The following BCKDHB variants were observed in gnomAD, a reference collection of about 807,000 sequenced individuals.
BCKDHB encodes 2-oxoisovalerate dehydrogenase subunit beta, mitochondrial.
A neutral mutation model predicts 48.5 loss-of-function variants in BCKDHB; 41 were observed. The ratio of observed to expected loss-of-function variants is 0.85; its 90% CI spans 0.66 to 1.10. The LOEUF is 1.10. BCKDHB is among the 50% of genes least tolerant of loss of function. The pLI is 0.00. For synonymous variants in BCKDHB, 201 were observed against 174.8 expected, an observed-to-expected ratio of 1.15 and a Z score of -1.18; for missense variants, 496 against 494.2, an observed-to-expected ratio of 1.00 and a Z score of -0.03.
At chr6:80,155,916 C>T (rs1409111265) in intron 3 of BCKDHB, among the ~76,000 whole-genome samples, 3 of 143,116 alleles carry the variant, frequency 2.1e-5, no homozygotes, top group African/African-American at 7.8e-5. Context: ...TGGTGGGATG[C>T]GTGAGAGATT....
intron 8 of BCKDHB, among the ~76,000 whole-genome samples, chr6:80,220,342 G>A (rs1229206460): frequency 3.8e-5 from 1 of 26,658 alleles, no homozygotes; most frequent in African/African-American, 1.2e-4. Flanking sequence ...TCCTTCAGTT[G>A]TTACGGGTAT....
At position 80,184,907 on chromosome 6, in the gene BCKDHB, C is replaced by T. The variant is rs560792166; in HGVS notation, c.742+13517C>T. On this transcript the variant is annotated intron_variant, in intron 6 of 9. Transcript: ENST00000320393. ...TTGACTTTAGATAACTTGATGACCA[C>T]GTGCCTAGGAGATGATCTTTTTGCA... Among the ~76,000 whole-genome samples, 27 of 152,224 alleles carry T rather than the reference C, an allele frequency of 1.8e-4. No individual in the cohort carries two copies. The South Asian group carries it at 4.6e-3, about 26-fold the overall frequency.
chr6:80,292,662 C>T (rs1046333943), intron 9 of BCKDHB, among the ~76,000 whole-genome samples: 10 of 152,092 alleles, frequency 6.6e-5, no homozygotes, highest in African/African-American at 1.7e-4. Flanking sequence ...TTCCCAGCAG[C>T]CCCCCAAAGT....
At chr6:80,374,893 T>G in the BCKDHB span, among the ~76,000 whole-genome samples, 1 of 152,236 alleles carries the variant, frequency 6.6e-6, no homozygotes, top group Non-Finnish European at 1.5e-5. Context: ...AGACTGTATC[T>G]TTCCTTCATT....
chr6:80,260,388 T>G (rs1022726522), intron 8 of BCKDHB, among the ~76,000 whole-genome samples: 3 of 152,116 alleles, frequency 2.0e-5, no homozygotes, highest in Non-Finnish European at 4.4e-5. Context: ...GACTACAAAT[T>G]ATTGGGTCTC....
chr6:80,206,939 A>C lies in BCKDHB; in HGVS notation c.951+3727A>C, dbSNP rs75194011. ...ACCACACCTGTATGCACAATGGCAT[A>C]ACATCTTAAATTGCTGACTGTGCTA... On this transcript the variant is annotated intron_variant, in intron 8 of 9. Transcript: ENST00000320393. 6.0e-3 allele frequency among the ~76,000 whole-genome samples: 910 copies of C among 152,200 alleles called. 11 individuals are homozygous for C. The highest frequency in any genetic ancestry group is 0.021 in the African/African-American group (872 of 41,566).
intron 3 of BCKDHB, among the ~76,000 whole-genome samples, chr6:80,149,239 T>G (rs1199411515): frequency 1.3e-5 from 2 of 152,104 alleles, no homozygotes; most frequent in Admixed American, 6.5e-5. Context: ...TCACTGGCCA[T>G]CAGAGGAATG....
At chr6:80,151,188 T>TA (rs1771757290) in intron 3 of BCKDHB, among the ~76,000 whole-genome samples, 1 of 152,188 alleles carries the variant, frequency 6.6e-6, no homozygotes. Context: ...TGATACATCT[T>TA]ATTGATGTGT....
chr6:80,318,028 G>C (rs1353738753), intron 9 of BCKDHB, among the ~76,000 whole-genome samples: 1 of 152,146 alleles, frequency 6.6e-6, no homozygotes, highest in African/African-American at 2.4e-5. Flanking sequence ...CTGTGTGTCA[G>C]GATATACACT....
intron 2 of BCKDHB, among the ~76,000 whole-genome samples, chr6:80,127,843 G>A (rs1250295937): frequency 1.3e-5 from 2 of 152,132 alleles, no homozygotes; most frequent in Non-Finnish European, 2.9e-5. Context: ...CTTACAGTGT[G>A]TGTGGTCCTG....
Position 80,345,551 on chromosome 6 carries a change from A to G in BCKDHB, c.*1747A>G, listed in dbSNP as rs961866573. 1.3e-5 allele frequency: 2 copies of G among 152,210 alleles called. 1 individual carries two copies. Among genetic ancestry groups the G allele is most frequent in the Admixed American group, 1.3e-4 (2 of 15,274 alleles). 9.4% of individuals were successfully genotyped at this position (152,210 alleles called of 1,614,324 possible). On this transcript the variant is annotated 3_prime_UTR_variant, in exon 10 of 10. Coordinates refer to ENST00000320393, the MANE Select transcript of BCKDHB (RefSeq NM_183050.4). ...TTCTAGTCTAAGAATATTGTTATAG[A>G]TGGAAGTTAGGACCATTAGCCCACA...
rs541117966 is a variant in BCKDHB, at chr6:80,285,417, C to T, written c.1038+12196C>T. ...ATGCAGTTTCAATTTTAATAAAACC[C>T]GTGTACTTTATAAAAATAGGACCTT... is the stretch of plus-strand genomic sequence containing the variant. On this transcript the variant is annotated intron_variant, in intron 9 of 9. Transcript: ENST00000320393. Among the ~76,000 whole-genome samples the T allele has an allele frequency of 1.4e-4, 22 of 152,124 alleles. No individual in the cohort carries two copies. In the South Asian group the frequency reaches 2.3e-3, roughly 16 times the overall value.
At chr6:80,109,493 T>G (rs532733672) in intron 1 of BCKDHB, among the ~76,000 whole-genome samples, 12 of 152,320 alleles carry the variant, frequency 7.9e-5, no homozygotes, top group African/African-American at 2.9e-4. Flanking sequence ...ATAGTTCAAA[T>G]TTATACCCAT....
intron 9 of BCKDHB, among the ~76,000 whole-genome samples, chr6:80,313,684 T>G (rs538162517): frequency 6.1e-4 from 93 of 152,216 alleles, no homozygotes; most frequent in Non-Finnish European, 1.1e-3. Context: ...CTGACCTATT[T>G]TATTAATTTT....
chr6:80,297,153 T>C (rs1198032834), intron 9 of BCKDHB, among the ~76,000 whole-genome samples: 1 of 152,172 alleles, frequency 6.6e-6, no homozygotes, highest in Admixed American at 6.6e-5. Flanking sequence ...CCAGGTCTTA[T>C]GTAATACACA....
the BCKDHB span, among the ~76,000 whole-genome samples, chr6:80,432,860 C>G: frequency 6.6e-6 from 1 of 151,858 alleles, no homozygotes; most frequent in African/African-American, 2.4e-5. Flanking sequence ...TGGATGGGGT[C>G]TCTGAGTGGA....
chr6:80,141,976 G>T (rs1408389250), intron 3 of BCKDHB, among the ~76,000 whole-genome samples: 3 of 151,880 alleles, frequency 2.0e-5, no homozygotes, highest in Admixed American at 1.3e-4. Context: ...TTTCCCTTCA[G>T]TATTTAGAAT....
intron 6 of BCKDHB, among the ~76,000 whole-genome samples, chr6:80,198,824 A>G (rs1582336509): frequency 6.6e-6 from 1 of 152,196 alleles, no homozygotes; most frequent in Non-Finnish European, 1.5e-5. Context: ...CAACTCTCCA[A>G]TATAAGCGGA....
At chr6:80,423,588 A>G in the BCKDHB span, among the ~76,000 whole-genome samples, 1 of 152,220 alleles carries the variant, frequency 6.6e-6, no homozygotes, top group African/African-American at 2.4e-5. Context: ...TCAAATCTAT[A>G]GCTTTAAGCC....
Sources: gnomAD v4.1 joint callset for allele counts (sites outside exome capture counted in the v4.1 genomes callset) on GRCh38, gnomAD v4.1.1 for gene constraint, MANE v1.5 for transcripts, NCBI Gene and HGNC (gene_info 2026-07-23, HGNC 2026-07-21) for gene names.